PDE1C: variants seen among roughly 807,000 people sequenced by gnomAD.
The protein encoded by PDE1C is dual specificity calcium/calmodulin-dependent 3',5'-cyclic nucleotide phosphodiesterase 1C.
Under a neutral mutation model 93.1 loss-of-function variants are expected in PDE1C, and 62 were observed. The ratio of observed to expected loss-of-function variants is 0.67; its 90% CI spans 0.54 to 0.82. The LOEUF (loss-of-function observed/expected upper bound fraction) is 0.82, where lower values mean the gene tolerates loss of function less well. PDE1C is among the 40% of genes least tolerant of loss of function. PDE1C has a pLI of 0.00. For synonymous variants in PDE1C, 325 were observed against 310.1 expected, an observed-to-expected ratio of 1.05 and a Z score of -0.50; for missense variants, 742 against 884.6, an observed-to-expected ratio of 0.84 and a Z score of 2.04.
chr7:31,647,270 A>C, the PDE1C span, among the ~76,000 whole-genome samples: 1 of 152,258 alleles, frequency 6.6e-6, no homozygotes, highest in Non-Finnish European at 1.5e-5. Context: ...TTAGATGCCA[A>C]GTGCTAGACA....
chr7:31,734,191 C>G, the PDE1C span, among the ~76,000 whole-genome samples: 1 of 152,040 alleles, frequency 6.6e-6, no homozygotes, highest in Non-Finnish European at 1.5e-5. Flanking sequence ...AACACACAGC[C>G]CCTGCCCTGG....
intron 16 of PDE1C, among the ~76,000 whole-genome samples, chr7:31,778,368 G>A (rs1783160821): frequency 6.6e-6 from 1 of 152,192 alleles, no homozygotes; most frequent in South Asian, 2.1e-4. Flanking sequence ...TGTCCCACAA[G>A]ATTTTTTACT....
At chr7:31,639,538 GT>G in the PDE1C span, among the ~76,000 whole-genome samples, 19,058 of 141,196 alleles carry the variant, frequency 0.13, 1,218 homozygotes, top group Non-Finnish European at 0.17. Context: ...GTTTGTTTTT[GT>G]TTTTTTTTTT....
chr7:32,401,510 C>T (rs547342705), intron 1 of PDE1C, among the ~76,000 whole-genome samples: 1 of 150,722 alleles, frequency 6.6e-6, no homozygotes, highest in South Asian at 2.1e-4. Flanking sequence ...GCACTCCAGC[C>T]TGGGCAACAG....
the PDE1C span, chr7:31,707,526 C>G: frequency 2.1e-6 from 1 of 471,724 alleles, no homozygotes; most frequent in South Asian, 3.4e-5. Flanking sequence ...GGAAAAGAAA[C>G]AGATCATCCT....
At chr7:32,229,796 T>G (rs1361162118) in intron 1 of PDE1C, among the ~76,000 whole-genome samples, 1 of 152,250 alleles carries the variant, frequency 6.6e-6, no homozygotes, top group Non-Finnish European at 1.5e-5. Context: ...CAGGTCAGCC[T>G]GGCTATAAAG....
chr7:32,027,396 T>C (rs1351821443), intron 2 of PDE1C, among the ~76,000 whole-genome samples: 1 of 152,008 alleles, frequency 6.6e-6, no homozygotes, highest in African/African-American at 2.4e-5. Context: ...ATCAAAAATA[T>C]GTTGACATGC....
At chr7:31,986,929 A>AACAC (rs10551724) in intron 2 of PDE1C, among the ~76,000 whole-genome samples, 2,129 of 149,874 alleles carry the variant, frequency 0.014, 15 homozygotes, top group East Asian at 0.017. Context: ...ATTGAACACG[A>AACAC]ACACACACAC....
intron 2 of PDE1C, among the ~76,000 whole-genome samples, chr7:32,187,160 CTCTT>C (rs1169830547): frequency 1.3e-5 from 2 of 151,770 alleles, no homozygotes; most frequent in East Asian, 1.9e-4. Flanking sequence ...CTTTCTCTCT[CTCTT>C]TCTTTTATTT....
At chr7:32,251,243 C>T (rs1809350811) in intron 1 of PDE1C, among the ~76,000 whole-genome samples, 1 of 150,176 alleles carries the variant, frequency 6.7e-6, no homozygotes, top group South Asian at 2.2e-4. Flanking sequence ...TCCAGGCAGA[C>T]CTAGACCTGA....
chr7:31,632,700 C>T, the PDE1C span, among the ~76,000 whole-genome samples: 280 of 152,200 alleles, frequency 1.8e-3, 1 homozygote, highest in African/African-American at 6.3e-3. Flanking sequence ...AGCAGTCCTC[C>T]TCGTTTCCAT....
At chr7:31,808,255 T>C in intron 16 of PDE1C, 1 of 412,400 alleles carries the variant, frequency 2.4e-6, no homozygotes, top group Admixed American at 3.2e-5. Flanking sequence ...ATTTAGAGAG[T>C]CTGGGATTCT....
chr7:31,649,757 G>A, the PDE1C span, among the ~76,000 whole-genome samples: 1 of 152,190 alleles, frequency 6.6e-6, no homozygotes, highest in African/African-American at 2.4e-5. Flanking sequence ...GCAAAACAAA[G>A]GGGATAGCTG....
chr7:31,863,957 G>A (rs1376400859), intron 7 of PDE1C, among the ~76,000 whole-genome samples: 2 of 152,118 alleles, frequency 1.3e-5, no homozygotes, highest in Non-Finnish European at 2.9e-5. Flanking sequence ...ATTAGGCCAA[G>A]TCTTTCAACA....
intron 1 of PDE1C, among the ~76,000 whole-genome samples, chr7:32,258,136 T>C (rs1013510589): frequency 5.9e-5 from 9 of 152,214 alleles, no homozygotes; most frequent in Non-Finnish European, 1.2e-4. Flanking sequence ...AGGTTTCTGC[T>C]CTAAGAAGGA....
chr7:31,994,764 A>C (rs1244820712), intron 2 of PDE1C, among the ~76,000 whole-genome samples: 1 of 152,230 alleles, frequency 6.6e-6, no homozygotes, highest in Non-Finnish European at 1.5e-5. Context: ...CCCAAGTTTC[A>C]TAACCTTAGG....
chr7:32,127,342 C>T (rs979893737), intron 3 of PDE1C, among the ~76,000 whole-genome samples: 1 of 151,932 alleles, frequency 6.6e-6, no homozygotes, highest in African/African-American at 2.4e-5. Flanking sequence ...CTCTGGAGAA[C>T]CCTGACTAAT....
chr7:31,822,344 G>A (rs547685712), intron 14 of PDE1C, among the ~76,000 whole-genome samples: 3 of 152,000 alleles, frequency 2.0e-5, no homozygotes, highest in Non-Finnish European at 2.9e-5. Context: ...TCAGGTTTGC[G>A]CTACCTGTGC....
At chr7:32,392,585 T>C (rs1784770775) in intron 1 of PDE1C, among the ~76,000 whole-genome samples, 1 of 152,132 alleles carries the variant, frequency 6.6e-6, no homozygotes, top group South Asian at 2.1e-4. Flanking sequence ...AAAACAATTA[T>C]GCCTTACAAC....
Sources: gnomAD v4.1 joint callset for allele counts (sites outside exome capture counted in the v4.1 genomes callset) on GRCh38, gnomAD v4.1.1 for gene constraint, MANE v1.5 for transcripts, NCBI Gene and HGNC (gene_info 2026-07-23, HGNC 2026-07-21) for gene names.